Variants in SHANK1 observed in about 807,000 individuals in gnomAD.
SHANK1 encodes the protein SH3 and multiple ankyrin repeat domains protein 1.
A neutral mutation model predicts 165.6 loss-of-function variants in SHANK1; 35 were observed. The ratio of observed to expected loss-of-function variants is 0.21; its 90% CI spans 0.16 to 0.28. The LOEUF (loss-of-function observed/expected upper bound fraction) is 0.28. Among genes scored for constraint, SHANK1 ranks in the 10% least tolerant of loss-of-function variants. The probability of loss-of-function intolerance (pLI) is 1.00; values close to 1 mark genes in which losing one functional copy is unlikely to be tolerated. For missense variants in SHANK1, 2,681 were observed against 3,036.4 expected (o/e 0.88, Z 2.75); for synonymous variants, 1,428 against 1,384.8 (o/e 1.03, Z -0.69).
chr19:50,710,162 G>A (rs1180414979), intron 8 of SHANK1, among the ~76,000 whole-genome samples: 1 of 152,166 alleles, frequency 6.6e-6, no homozygotes, highest in Non-Finnish European at 1.5e-5. Flanking sequence ...AGGATTGGTT[G>A]TGAGGCCTGT....
chr19:50,714,394 T>A, intron 4 of SHANK1, 104 bp from the exon 5 acceptor site: 1 of 934,618 alleles, frequency 1.1e-6, no homozygotes, highest in Admixed American at 2.3e-5. Context: ...TGGAGTCACA[T>A]ACGCCATTGA....
rs1429138612 is a variant in SHANK1, at chr19:50,667,094, G to A, written c.4866C>T (p.Ser1622=). The A allele has an allele frequency of 1.4e-5, 22 of 1,558,764 alleles. No individual in the cohort carries two copies. Among genetic ancestry groups the A allele is most frequent in the Non-Finnish European group, 1.9e-5 (22 of 1,158,534 alleles). The change falls in exon 23 of 24, where the codon TCC becomes TCT. Residue 1622 remains serine (S), a synonymous_variant. Transcript: ENST00000293441. The surrounding 1 kb of genome is among the most constrained non-coding windows in gnomAD (Gnocchi z 5.7). ...AAPPTLDSTA[S]SLTSYDSEVA... ...CCTCGCTGTCATAGGATGTCAGGCTGGATGCGGTGGAGTCCAGGGTGGGAG... is the reference window on the plus strand; with the variant it reads ...CCTCGCTGTCATAGGATGTCAGGCTAGATGCGGTGGAGTCCAGGGTGGGAG...
Position 50,688,387 on chromosome 19 carries a change from T to C in SHANK1, c.2173-329A>G, listed in dbSNP as rs117260314. Among the ~76,000 whole-genome samples the C allele has an allele frequency of 0.012, 1,758 of 152,162 alleles. 11 individuals carry two copies. The highest frequency in any genetic ancestry group is 0.036 in the South Asian group (172 of 4,814). On this transcript the variant is annotated intron_variant, in intron 17 of 23. Transcript: ENST00000293441. This position sits in a 1 kb window ranked among gnomAD's most constrained non-coding sequence, Gnocchi z 6.7. Reference sequence around the variant, plus strand: ...AGGTTGGGGTGCAGTGGCCCAATCATGGCTCACTGCACCCTCGACTTCCTG... The same window carrying C: ...AGGTTGGGGTGCAGTGGCCCAATCACGGCTCACTGCACCCTCGACTTCCTG...
chr19:50,664,573 G>A (rs7254852), intron 23 of SHANK1, among the ~76,000 whole-genome samples: 25,360 of 152,146 alleles, frequency 0.17, 2,237 homozygotes, highest in Middle Eastern at 0.22. Flanking sequence ...GATCACCCAG[G>A]TAGAAAGTGC....
At position 50,697,166 on chromosome 19, in the gene SHANK1, C is replaced by T. The variant is rs1215603551; in HGVS notation, c.1938-44G>A. The stretch of plus-strand genomic sequence containing the variant: ...CAGCAGCCAGGGAGGGGAAAGGTGT[C>T]AGTGCACCCATCTCCTCACCCCAAT... On this transcript the variant is annotated intron_variant, in intron 14 of 23. Coordinates refer to ENST00000293441, the MANE Select transcript of SHANK1 (RefSeq NM_016148.5). This position sits in a 1 kb window ranked among gnomAD's most constrained non-coding sequence, Gnocchi z 4.7. The T allele has an allele frequency of 6.2e-7, 1 of 1,613,936 alleles. No homozygotes were observed.
rs1986763359 is a variant in SHANK1 at position 50,697,036 on chromosome 19, C to T, written c.1964+60G>A. On this transcript the variant is annotated intron_variant, in intron 15 of 23. Coordinates refer to ENST00000293441, the MANE Select transcript of SHANK1 (RefSeq NM_016148.5). This position sits in a 1 kb window ranked among gnomAD's most constrained non-coding sequence, Gnocchi z 4.7. Reference sequence around the variant, plus strand: ...GGTCGTGCACACACGTTCACACGCCCCCCAGGCACCCCGTCCTTCCCCTCC... The same window carrying T: ...GGTCGTGCACACACGTTCACACGCCTCCCAGGCACCCCGTCCTTCCCCTCC... 1 of 1,443,026 alleles carries T rather than the reference C, an allele frequency of 6.9e-7. No homozygotes were observed. 89.4% of individuals were successfully genotyped at this position (1,443,026 alleles called of 1,614,324 possible).
chr19:50,709,190 GT>G (rs2088979221), intron 8 of SHANK1, among the ~76,000 whole-genome samples: 1 of 152,212 alleles, frequency 6.6e-6, no homozygotes, highest in Non-Finnish European at 1.5e-5. Flanking sequence ...CCAGGCTGGA[GT>G]GCAGTGGCAT....
Position 50,688,830 on chromosome 19 carries a change from G to C in SHANK1, c.2172+14C>G. On this transcript the variant is annotated intron_variant, in intron 17 of 23. Transcript: ENST00000293441. This position sits in a 1 kb window ranked among gnomAD's most constrained non-coding sequence, Gnocchi z 6.7. ...GTCACAGGGTCCCAGGGAAGAGAGG[G>C]GGCCTGGACTGACCTCGATGAGGAA... 6.2e-7 allele frequency: 1 copy of C among 1,605,920 alleles called. No homozygotes were observed. The highest frequency in any genetic ancestry group is 1.1e-5 in the South Asian group (1 of 89,512).
At position 50,668,195 on chromosome 19, in the gene SHANK1, C is replaced by A. The variant is rs1462151676; in HGVS notation, c.3765G>T (p.Thr1255=). The A allele has an allele frequency of 6.7e-7, 1 of 1,495,230 alleles. No homozygotes were observed. The highest frequency in any genetic ancestry group is 2.3e-5 in the Admixed American group (1 of 43,426). 92.6% of individuals were successfully genotyped at this position (1,495,230 alleles called of 1,614,324 possible). Residue 1255 remains threonine, a synonymous_variant, in exon 23 of 24, where the codon ACG becomes ACT. Transcript: ENST00000293441. ...CCCCCGCGTCGGTGGACAGGAACAG[C>A]GTGGAGCGCCGGCGCGCCTCATTCT... ...GWQNEARRRS[T]LFLSTDAGDE... is the part of the protein sequence containing the mutation.
In SHANK1 at chr19:50,703,942, A is replaced by G. The variant is rs565821948; in HGVS notation, c.1223-112T>C. 2.4e-3 allele frequency: 1,753 copies of G among 725,210 alleles called. 3 individuals are homozygous for G. Among genetic ancestry groups the G allele is most frequent in the Non-Finnish European group, 3.4e-3 (1,464 of 435,880 alleles). The allele number at this position is 725,210 out of a possible 1,614,324, so 44.9% of individuals were successfully genotyped here. A position where few individuals can be genotyped will look rare whatever the true frequency, so the allele number is the denominator to read the frequency against. Reference sequence around the variant, plus strand: ...AGAGGCATGAGGGAGAAAGACAGAGATGAGAAAGGGAGGGGGGCCTGGAAT... The same window carrying G: ...AGAGGCATGAGGGAGAAAGACAGAGGTGAGAAAGGGAGGGGGGCCTGGAAT... On this transcript the variant is annotated intron_variant, in intron 10 of 23. Coordinates refer to ENST00000293441, the MANE Select transcript of SHANK1 (RefSeq NM_016148.5).
chr19:50,705,269 G>A (rs1337579551), intron 8 of SHANK1, among the ~76,000 whole-genome samples: 1 of 152,088 alleles, frequency 6.6e-6, no homozygotes, highest in Non-Finnish European at 1.5e-5. Context: ...TTGAACCCAG[G>A]AGGTGGAGGT....
At chr19:50,681,022 C>T (rs553128218) in intron 21 of SHANK1, among the ~76,000 whole-genome samples, 12 of 152,058 alleles carry the variant, frequency 7.9e-5, no homozygotes, top group East Asian at 3.9e-4. Flanking sequence ...CAAGAAGCCT[C>T]GGGGGGTACT....
Position 50,717,817 on chromosome 19 carries a change from C to T in SHANK1, c.-43-855G>A, listed in dbSNP as rs1026879185. On this transcript the variant is annotated intron_variant, in intron 1 of 23. Coordinates refer to ENST00000293441, the MANE Select transcript of SHANK1 (RefSeq NM_016148.5). The surrounding 1 kb of genome is among the most constrained non-coding windows in gnomAD (Gnocchi z 5.5). ...GGTGGGTGGGCTGGCTTGCTGGGTA[C>T]TAGGGGCTCCACTCTGAGGACTGGG... Among the ~76,000 whole-genome samples the T allele has an allele frequency of 2.0e-5, 3 of 151,894 alleles. No individual in the cohort carries two copies. The highest frequency in any genetic ancestry group is 4.4e-5 in the Non-Finnish European group (3 of 67,956).
Position 50,703,808 on chromosome 19 carries a change from C to G in SHANK1, c.1245G>C (p.Lys415Asn). ...GGGGCCCCCGTCGCCGGGCCGCGTACTTGGGGGACTCCTGGAAGGGCACTG... is the reference window on the plus strand; with the variant it reads ...GGGGCCCCCGTCGCCGGGCCGCGTAGTTGGGGGACTCCTGGAAGGGCACTG... ...QDVVPFQESP[K>N]YAARRRGPPG... The change falls in exon 11 of 24, where the codon AAG (lysine) becomes AAC (asparagine). Residue 415 changes from lysine to asparagine, a missense_variant. Transcript: ENST00000293441. 1 of 1,429,538 alleles carries G rather than the reference C, an allele frequency of 7.0e-7. No individual in the cohort carries two copies. The highest frequency in any genetic ancestry group is 9.1e-7 in the Non-Finnish European group (1 of 1,096,514). The allele number at this position is 1,429,538 out of a possible 1,614,324, so 88.6% of individuals were successfully genotyped here.
At position 50,686,345 on chromosome 19, in the gene SHANK1, G is replaced by A. The variant is rs369883291; in HGVS notation, c.2469C>T (p.Asp823=). 2.9e-5 allele frequency: 47 copies of A among 1,597,564 alleles called. No homozygotes were observed. Among genetic ancestry groups the A allele is most frequent in the African/African-American group, 2.7e-4 (20 of 74,076 alleles). ...TCTGTTGAGCTGCGGCCAGGATTTC[G>A]TCCAGTTTGTCTAGGGGTAGATGAA... ...TVYQMALNKL[D]EILAAAQQTI... Residue 823 remains aspartate, a synonymous_variant, in exon 21 of 24, where the codon GAC becomes GAT. Coordinates refer to ENST00000293441, the MANE Select transcript of SHANK1 (RefSeq NM_016148.5). This position sits in a 1 kb window ranked among gnomAD's most constrained non-coding sequence, Gnocchi z 5.7.
At position 50,703,784 on chromosome 19, in the gene SHANK1, G is replaced by A; in HGVS notation, c.1269C>T (p.Pro423=). The change falls in exon 11 of 24, where the codon CCC becomes CCT. Residue 423 remains proline, a synonymous_variant. Transcript: ENST00000293441. The part of the protein sequence containing the change: ...SPKYAARRRG[P]PGTGLTVPPA... ...GGGGCACCGTCAGCCCTGTGCCTGG[G>A]GGCCCCCGTCGCCGGGCCGCGTACT... The A allele has an allele frequency of 7.0e-7, 1 of 1,429,286 alleles. No individual in the cohort carries two copies. The highest frequency in any genetic ancestry group is 9.1e-7 in the Non-Finnish European group (1 of 1,096,286). The allele number at this position is 1,429,286 out of a possible 1,614,324, so 88.5% of individuals were successfully genotyped here. A position where few individuals can be genotyped will look rare whatever the true frequency, so the allele number is the denominator to read the frequency against.
At chr19:50,710,294 C>T (rs891263513) in intron 8 of SHANK1, among the ~76,000 whole-genome samples, 3 of 152,198 alleles carry the variant, frequency 2.0e-5, no homozygotes, top group East Asian at 1.9e-4. Flanking sequence ...CAAGGCGGCA[C>T]GTGGCCACCC....
chr19:50,672,041 A>G lies in SHANK1; in HGVS notation c.2651T>C (p.Leu884Ser). 6.2e-7 allele frequency: 1 copy of G among 1,613,784 alleles called. No individual in the cohort carries two copies. Among genetic ancestry groups the G allele is most frequent in the South Asian group, 1.1e-5 (1 of 90,962 alleles). ...RPSFLPPGPG[L>S]MLRQKSIGAA... ...ACCGATAGATTTTTGCCGGAGCATC[A>G]ACCCAGGTCCTGGAGGCAGGAAAGA... The change falls in exon 22 of 24, where the codon TTG (leucine) becomes TCG (serine). Residue 884 changes from leucine (L) to serine (S), a missense_variant. Around this residue, in one of 10 missense-constraint regions of SHANK1, gnomAD observed 206 missense variants for 216.0 expected, o/e 0.95. Coordinates refer to ENST00000293441, the MANE Select transcript of SHANK1 (RefSeq NM_016148.5).
rs768188950 is a variant in SHANK1, at chr19:50,716,803, C to A, written c.117G>T (p.Gly39=). ...SPDGPGRGPR[G]TRGQGSGAPG... ...GTGCCCCACTGCCCTGGCCCCGGGT[C>A]CCCCGGGGGCCTCGACCTGGCCCGT... The change falls in exon 2 of 24, where the codon GGG becomes GGT. Residue 39 remains glycine, a synonymous_variant. Transcript: ENST00000293441. This position sits in a 1 kb window ranked among gnomAD's most constrained non-coding sequence, Gnocchi z 8.4. The A allele has an allele frequency of 1.3e-6, 2 of 1,589,626 alleles. No homozygotes were observed. The highest frequency in any genetic ancestry group is 1.1e-5 in the South Asian group (1 of 88,444).
Sources: allele counts gnomAD v4.1 joint callset (sites outside exome capture counted in the v4.1 genomes callset), GRCh38; gene constraint gnomAD v4.1.1; regional missense constraint gnomAD v4.1.1; non-coding constraint Gnocchi (gnomAD v3.1); transcripts MANE v1.5; gene names NCBI Gene and HGNC (gene_info 2026-07-23, HGNC 2026-07-21).